Variants in ADGRL3 observed in about 807,000 individuals in gnomAD.
The protein encoded by ADGRL3 is adhesion G protein-coupled receptor L3.
Under a neutral mutation model 153.5 loss-of-function variants are expected in ADGRL3, and 62 were observed. The ratio of observed to expected loss-of-function variants is 0.40; its 90% CI spans 0.33 to 0.50. The LOEUF (loss-of-function observed/expected upper bound fraction) is 0.50. ADGRL3 is among the 20% of genes least tolerant of loss of function. The probability of loss-of-function intolerance (pLI) is 0.47; values close to 1 mark genes in which losing one functional copy is unlikely to be tolerated. For synonymous variants in ADGRL3, 710 were observed against 672.5 expected, an observed-to-expected ratio of 1.06 and a Z score of -0.86; for missense variants, 1,641 against 1,859.4, an observed-to-expected ratio of 0.88 and a Z score of 2.16.
intron 6 of ADGRL3, among the ~76,000 whole-genome samples, chr4:61,690,927 C>T (rs1472353948): frequency 2.0e-5 from 3 of 152,136 alleles, no homozygotes. Context: ...AGAAAAAGCT[C>T]TAAGAATTTC....
intron 21 of ADGRL3, among the ~76,000 whole-genome samples, chr4:62,027,788 A>C (rs1446926815): frequency 2.6e-5 from 4 of 151,976 alleles, no homozygotes; most frequent in Non-Finnish European, 4.4e-5. Context: ...AAATTGTTTC[A>C]TTATCACAAG....
rs1315343725 is a variant in ADGRL3 at position 61,483,739 on chromosome 4, AAAAT to A, written c.-173-13369_-173-13366del. Among the ~76,000 whole-genome samples the A allele has an allele frequency of 3.3e-5, 5 of 151,180 alleles. No homozygotes were observed. The East Asian group carries it at 5.8e-4, about 18-fold the overall frequency. On this transcript the variant is annotated intron_variant, in intron 2 of 26. Coordinates refer to ENST00000683033, the MANE Select transcript of ADGRL3 (RefSeq NM_001387552.1). ...GCAACAAGAGCAAAATTCTGTCAAA[AAAAT>A]AAATAAATAAATTATAAAATTTTGA...
At chr4:62,033,711 TCATAA>T (rs1294841639) in intron 23 of ADGRL3, among the ~76,000 whole-genome samples, 2 of 151,836 alleles carry the variant, frequency 1.3e-5, no homozygotes, top group African/African-American at 2.4e-5. Context: ...TTATGATCAG[TCATAA>T]CATACTGAAG....
At chr4:62,012,806 G>C (rs1246751899) in intron 21 of ADGRL3, among the ~76,000 whole-genome samples, 1 of 152,126 alleles carries the variant, frequency 6.6e-6, no homozygotes, top group Non-Finnish European at 1.5e-5. Context: ...CCAGCAGAAT[G>C]CAATTATGAG....
At chr4:61,308,977 A>AAC (rs1252575063) in intron 1 of ADGRL3, among the ~76,000 whole-genome samples, 1 of 152,176 alleles carries the variant, frequency 6.6e-6, no homozygotes, top group Non-Finnish European at 1.5e-5. Context: ...ACAATAAGGT[A>AAC]ATATATATGT....
chr4:61,625,403 T>C (rs1466363057), intron 5 of ADGRL3, among the ~76,000 whole-genome samples: 1 of 152,074 alleles, frequency 6.6e-6, no homozygotes, highest in Non-Finnish European at 1.5e-5. Flanking sequence ...TTACTTGCTT[T>C]AGATAATAAT....
At chr4:62,025,521 T>C (rs2151435603) in intron 21 of ADGRL3, among the ~76,000 whole-genome samples, 1 of 152,266 alleles carries the variant, frequency 6.6e-6, no homozygotes, top group South Asian at 2.1e-4. Flanking sequence ...CTTGTGGAAG[T>C]CCTTTATCTC....
Position 62,070,421 on chromosome 4 carries a change from C to T in ADGRL3, c.4145C>T (p.Thr1382Ile), listed in dbSNP as rs1745234819. Reference protein sequence around the residue: ...EDDAIVLDDATSFNHEESLGL... With the variant: ...EDDAIVLDDAISFNHEESLGL... ...GATGCCATTGTCCTGGATGATGCCA[C>T]CTCGTTTAACCACGAGGAGAGTTTG... The change falls in exon 27 of 27, where the codon ACC (threonine) becomes ATC (isoleucine). Residue 1382 changes from threonine (T) to isoleucine (I), a missense_variant. By Grantham distance (89) the Thr-to-Ile change is moderately conservative. Transcript: ENST00000683033. 3 of 1,551,882 alleles carry T rather than the reference C, an allele frequency of 1.9e-6. No homozygotes were observed. The highest frequency in any genetic ancestry group is 2.7e-5 in the African/African-American group (2 of 72,958).
intron 5 of ADGRL3, among the ~76,000 whole-genome samples, chr4:61,610,723 G>T (rs993795485): frequency 6.6e-6 from 1 of 151,852 alleles, no homozygotes; most frequent in Non-Finnish European, 1.5e-5. Context: ...TCTGCTTGTC[G>T]GTGGACAGAT....
chr4:61,387,709 T>C (rs2096755028), intron 2 of ADGRL3, among the ~76,000 whole-genome samples: 1 of 152,202 alleles, frequency 6.6e-6, no homozygotes, highest in South Asian at 2.1e-4. Context: ...CTGTTCTTTT[T>C]TCAAAGTGCC....
chr4:61,988,862 A>T (rs1581764909), intron 19 of ADGRL3, among the ~76,000 whole-genome samples: 1 of 152,142 alleles, frequency 6.6e-6, no homozygotes, highest in Non-Finnish European at 1.5e-5. Context: ...ATGTGGATGA[A>T]GTCATGAACA....
In ADGRL3 at chr4:61,886,985, T is replaced by G. The variant is rs1417159011; in HGVS notation, c.1481-5671T>G. Reference sequence around the variant, plus strand: ...TTATTACTGATATCATCAGTGAGACTATAGACACCCACCACCATGCTCTGG... The same window carrying G: ...TTATTACTGATATCATCAGTGAGACGATAGACACCCACCACCATGCTCTGG... On this transcript the variant is annotated intron_variant, in intron 9 of 26. Coordinates refer to ENST00000683033, the MANE Select transcript of ADGRL3 (RefSeq NM_001387552.1). Among the ~76,000 whole-genome samples the G allele has an allele frequency of 2.0e-5, 3 of 151,990 alleles. 1 individual carries two copies. The highest frequency in any genetic ancestry group is 6.8e-3 in the Middle Eastern group (2 of 294).
rs1734649893 is a variant in ADGRL3 at position 61,201,465 on chromosome 4, G to C, written c.-540G>C. 1 of 152,264 alleles carries C rather than the reference G, an allele frequency of 6.6e-6. No individual in the cohort carries two copies. The highest frequency in any genetic ancestry group is 1.5e-5 in the Non-Finnish European group (1 of 68,088). The allele number at this position is 152,264 out of a possible 1,614,324, so 9.4% of individuals were successfully genotyped here. A position where few individuals can be genotyped will look rare whatever the true frequency, so the allele number is the denominator to read the frequency against. On this transcript the variant is annotated 5_prime_UTR_variant, in exon 1 of 27. Transcript: ENST00000683033. The stretch of plus-strand genomic sequence containing the variant: ...TTTGCCCCCTTGGGGTGTGTGAAGC[G>C]AGGAACGTAAAGGAAGGCGAACATT...
intron 1 of ADGRL3, among the ~76,000 whole-genome samples, chr4:61,344,058 T>A (rs1002879845): frequency 6.6e-6 from 1 of 152,186 alleles, no homozygotes; most frequent in Non-Finnish European, 1.5e-5. Flanking sequence ...AATAGTGCAC[T>A]GATAGTGGTC....
chr4:61,508,353 T>C (rs1036625934), intron 3 of ADGRL3, among the ~76,000 whole-genome samples: 3 of 152,278 alleles, frequency 2.0e-5, no homozygotes, highest in Non-Finnish European at 2.9e-5. Context: ...CAAAATGAAA[T>C]GTTTCCCTTT....
intron 21 of ADGRL3, among the ~76,000 whole-genome samples, chr4:62,025,532 A>G (rs1717990179): frequency 6.6e-6 from 1 of 152,136 alleles, no homozygotes; most frequent in Non-Finnish European, 1.5e-5. Flanking sequence ...CCTTTATCTC[A>G]GGTTACTGCT....
intron 1 of ADGRL3, among the ~76,000 whole-genome samples, chr4:61,335,310 C>G (rs1307123214): frequency 6.6e-6 from 1 of 152,044 alleles, no homozygotes; most frequent in African/African-American, 2.4e-5. Flanking sequence ...ACGTTTTACT[C>G]TTAAGATTAT....
At chr4:61,764,322 C>G (rs142717802) in intron 8 of ADGRL3, among the ~76,000 whole-genome samples, 13,044 of 151,424 alleles carry the variant, frequency 0.086, 1,175 homozygotes, top group African/African-American at 0.23. Context: ...AGAGAGTCAG[C>G]GAAGGGAGAT....
intron 1 of ADGRL3, among the ~76,000 whole-genome samples, chr4:61,244,686 A>G (rs1756341321): frequency 1.3e-5 from 2 of 152,006 alleles, no homozygotes. Context: ...CCCCATAAAA[A>G]CACAATCTCT....
Sources: gnomAD v4.1 joint callset for allele counts (sites outside exome capture counted in the v4.1 genomes callset) on GRCh38, gnomAD v4.1.1 for gene constraint, MANE v1.5 for transcripts, NCBI Gene and HGNC (gene_info 2026-07-23, HGNC 2026-07-21) for gene names.